The following SLC35F2 variants were observed in gnomAD, a reference collection of about 807,000 sequenced individuals.
SLC35F2 encodes the protein queuine/queuosine transporter SLC35F2.
A neutral mutation model predicts 38.1 loss-of-function variants in SLC35F2; 25 were observed. That is an observed-to-expected ratio of 0.66 (90% CI 0.48 to 0.92). The LOEUF (loss-of-function observed/expected upper bound fraction) is 0.92, where lower values mean the gene tolerates loss of function less well. SLC35F2 is among the 40% of genes least tolerant of loss of function. The pLI is 0.00. For missense variants in SLC35F2, 409 were observed against 452.9 expected (o/e 0.90, Z 0.88); for synonymous variants, 173 against 181.7 (o/e 0.95, Z 0.38).
chr11:107,858,649 T>G lies in SLC35F2; in HGVS notation c.110+9A>C. On this transcript the variant is annotated intron_variant, in intron 1 of 7. Transcript: ENST00000525815. ...CCCAGCGGAGCTGCAGCACGCCCCTTCCACTCACCAGGTGAAGAGTTTGCC... is the reference window on the plus strand; with the variant it reads ...CCCAGCGGAGCTGCAGCACGCCCCTGCCACTCACCAGGTGAAGAGTTTGCC... 7.8e-7 allele frequency: 1 copy of G among 1,288,572 alleles called. No individual in the cohort carries two copies. Among genetic ancestry groups the G allele is most frequent in the Non-Finnish European group, 9.9e-7 (1 of 1,010,176 alleles). The allele number at this position is 1,288,572 out of a possible 1,614,324, so 79.8% of individuals were successfully genotyped here.
At chr11:107,849,522 C>T (rs1424783485) in intron 1 of SLC35F2, among the ~76,000 whole-genome samples, 2 of 151,900 alleles carry the variant, frequency 1.3e-5, no homozygotes, top group Non-Finnish European at 2.9e-5. Flanking sequence ...ACCTGTAATT[C>T]CAGCTACTCA....
intron 1 of SLC35F2, among the ~76,000 whole-genome samples, chr11:107,844,340 T>C (rs935375095): frequency 3.3e-5 from 5 of 152,010 alleles, no homozygotes; most frequent in African/African-American, 9.7e-5. Context: ...AGAAAGTTAT[T>C]ATAAGGGCCA....
At position 107,858,705 on chromosome 11, in the gene SLC35F2, G is replaced by A. The variant is rs781660106; in HGVS notation, c.63C>T (p.Ala21=). ...TCCTGCGCAGCAGGCTGGAGAACTC[G>A]GCCGCCGCTCCCTCCGCGAGGGGCT... The part of the protein sequence containing the change: ...APEPLAEGAA[A]EFSSLLRRIK... Residue 21 remains alanine (A), a synonymous_variant, in exon 1 of 8, where the codon GCC becomes GCT. Coordinates refer to ENST00000525815, the MANE Select transcript of SLC35F2 (RefSeq NM_017515.5). The A allele has an allele frequency of 6.1e-5, 79 of 1,300,038 alleles. No individual in the cohort carries two copies. The highest frequency in any genetic ancestry group is 7.1e-5 in the Non-Finnish European group (72 of 1,016,584). The allele number at this position is 1,300,038 out of a possible 1,614,324, so 80.5% of individuals were successfully genotyped here.
At chr11:107,835,635 C>T (rs1206578606) in intron 1 of SLC35F2, among the ~76,000 whole-genome samples, 2 of 151,936 alleles carry the variant, frequency 1.3e-5, no homozygotes, top group African/African-American at 2.4e-5. Flanking sequence ...TCACCATGTT[C>T]CCCACACTGG....
chr11:107,806,939 A>T (rs1374292314), intron 3 of SLC35F2, 63 bp from the exon 4 acceptor site: 1 of 1,463,236 alleles, frequency 6.8e-7, no homozygotes, highest in Non-Finnish European at 9.4e-7. Flanking sequence ...ATGGGTAATT[A>T]AGAAATAATA....
At chr11:107,808,379 ATTCT>A (rs1336897722) in intron 3 of SLC35F2, among the ~76,000 whole-genome samples, 1 of 152,218 alleles carries the variant, frequency 6.6e-6, no homozygotes, top group Non-Finnish European at 1.5e-5. Flanking sequence ...CACTCACTCA[ATTCT>A]TAAATTCACA....
chr11:107,815,041 G>C (rs1012094405), intron 2 of SLC35F2, among the ~76,000 whole-genome samples: 1 of 151,970 alleles, frequency 6.6e-6, no homozygotes, highest in Non-Finnish European at 1.5e-5. Flanking sequence ...TTGTGCCACT[G>C]CACTCCAGCC....
At chr11:107,853,592 C>T (rs994125602) in intron 1 of SLC35F2, among the ~76,000 whole-genome samples, 1 of 151,854 alleles carries the variant, frequency 6.6e-6, no homozygotes, top group Non-Finnish European at 1.5e-5. Context: ...TGGTGGTGGG[C>T]GCCTGTAGTC....
At chr11:107,803,549 T>A (rs1859347681) in intron 6 of SLC35F2, 1 of 971,152 alleles carries the variant, frequency 1.0e-6, no homozygotes, top group African/African-American at 1.8e-5. Flanking sequence ...TTTCTTTGCT[T>A]TTGTTTGGTT....
At chr11:107,807,289 ACAAC>A (rs1431538916) in intron 3 of SLC35F2, among the ~76,000 whole-genome samples, 1 of 88,604 alleles carries the variant, frequency 1.1e-5, no homozygotes, top group African/African-American at 5.2e-5. Context: ...AAAAAAAACA[ACAAC>A]AAAAAAAAAC....
intron 1 of SLC35F2, among the ~76,000 whole-genome samples, chr11:107,832,599 G>T (rs998289149): frequency 1.3e-5 from 2 of 152,076 alleles, no homozygotes; most frequent in Admixed American, 6.5e-5. Flanking sequence ...GCCCAAGAGT[G>T]CAAGACAAGC....
intron 7 of SLC35F2, among the ~76,000 whole-genome samples, chr11:107,798,227 C>G (rs1859251477): frequency 6.6e-6 from 1 of 152,142 alleles, no homozygotes; most frequent in Non-Finnish European, 1.5e-5. Flanking sequence ...TCGTCTCAAA[C>G]TCCTGAACTA....
chr11:107,827,133 A>G (rs1422313336), intron 1 of SLC35F2, among the ~76,000 whole-genome samples: 1 of 152,188 alleles, frequency 6.6e-6, no homozygotes, highest in Non-Finnish European at 1.5e-5. Context: ...AAAACCTTAT[A>G]GTTTTGAACT....
intron 1 of SLC35F2, among the ~76,000 whole-genome samples, chr11:107,852,550 C>CAAAAAAA (rs550992360): frequency 1.7e-5 from 1 of 58,450 alleles, no homozygotes. Context: ...GACTCCACCT[C>CAAAAAAA]AAAAAAAAAA....
chr11:107,812,489 T>G (rs1013198967), intron 2 of SLC35F2, among the ~76,000 whole-genome samples: 1 of 151,894 alleles, frequency 6.6e-6, no homozygotes, highest in Admixed American at 6.6e-5. Context: ...CCAGCTGGGC[T>G]TACATAATGA....
At position 107,806,792 on chromosome 11, in the gene SLC35F2, C is replaced by T. The variant is rs752339050; in HGVS notation, c.499G>A (p.Ala167Thr). 1.4e-5 allele frequency: 23 copies of T among 1,613,984 alleles called. 1 individual carries two copies. Among genetic ancestry groups the T allele is most frequent in the Middle Eastern group, 3.3e-4 (2 of 6,060 alleles). Residue 167 changes from alanine (A) to threonine (T), a missense_variant, in exon 4 of 8, where the codon GCC (alanine) becomes ACC (threonine). Ala to Thr is a moderately conservative substitution (Grantham distance 58, BLOSUM62 0). Transcript: ENST00000525815. ...HARYRVIHFI[A>T]VAVCLLGVGT... Reference sequence around the variant, plus strand: ...ACACCCAACAGACAGACAGCCACGGCGATGAAGTGGATCACTCTGTATCTT... The same window carrying T: ...ACACCCAACAGACAGACAGCCACGGTGATGAAGTGGATCACTCTGTATCTT...
chr11:107,816,364 C>T, intron 1 of SLC35F2: 2 of 843,610 alleles, frequency 2.4e-6, no homozygotes, highest in Non-Finnish European at 2.9e-6. Flanking sequence ...TCACTGCAGC[C>T]TTGACCTCCC....
At position 107,818,056 on chromosome 11, in the gene SLC35F2, CAAAA is replaced by C. The variant is rs57787130; in HGVS notation, c.111-2095_111-2092del. Among the ~76,000 whole-genome samples the C allele has an allele frequency of 2.8e-3, 185 of 66,136 alleles. 1 individual carries two copies. The highest frequency in any genetic ancestry group is 0.011 in the South Asian group (19 of 1,668). The allele number at this position is 66,136 out of a possible 152,430, so 43.4% of individuals were successfully genotyped here. ...TGAGTGACAGAGCAAGACTCTGTCT[CAAAA>C]AAAAAAAAAAAAAAAGAAAGAAAGA... On this transcript the variant is annotated intron_variant, in intron 1 of 7. Transcript: ENST00000525815.
intron 1 of SLC35F2, among the ~76,000 whole-genome samples, chr11:107,843,867 AAATAT>A (rs1427334624): frequency 9.8e-5 from 3 of 30,700 alleles, no homozygotes; most frequent in African/African-American, 4.3e-4. Flanking sequence ...AAAAAAAAAA[AAATAT>A]ATATATATAT....
Sources: gnomAD v4.1 joint callset for allele counts (sites outside exome capture counted in the v4.1 genomes callset) on GRCh38, gnomAD v4.1.1 for gene constraint, MANE v1.5 for transcripts, NCBI Gene and HGNC (gene_info 2026-07-23, HGNC 2026-07-21) for gene names.